Variants in CCDC148 observed in about 807,000 individuals in gnomAD.
The protein encoded by CCDC148 is coiled-coil domain-containing protein 148.
A neutral mutation model predicts 85.7 loss-of-function variants in CCDC148; 89 were observed. The observed-to-expected ratio is 1.04, with a 90% CI of 0.87 to 1.24. The LOEUF (loss-of-function observed/expected upper bound fraction) is 1.24, where lower values mean the gene tolerates loss of function less well. CCDC148 is among the 50% of genes most tolerant of loss of function. The pLI is 0.00. For missense variants in CCDC148, 692 were observed against 671.7 expected, an observed-to-expected ratio of 1.03 and a Z score of -0.33; for synonymous variants, 230 against 213.9, an observed-to-expected ratio of 1.08 and a Z score of -0.66.
In CCDC148 at chr2:158,172,224, T is replaced by G. The variant is rs555541451; in HGVS notation, c.1665A>C (p.Ala555=). ...TTCTATGAAGTCCAGCTTCTCGAAGTGCTAACTCGAAGCGAAGTCTAGGGT... is the reference window on the plus strand; with the variant it reads ...TTCTATGAAGTCCAGCTTCTCGAAGGGCTAACTCGAAGCGAAGTCTAGGGT... ...ISDPRLRFEL[A]LREAGLHRTL... Residue 555 remains alanine (A), a synonymous_variant, in exon 14 of 14, where the codon GCA becomes GCC. Transcript: ENST00000283233. 6 of 1,608,230 alleles carry G rather than the reference T, an allele frequency of 3.7e-6. No homozygotes were observed. In the East Asian group the frequency reaches 6.7e-5, roughly 18 times the overall value.
intron 1 of CCDC148, among the ~76,000 whole-genome samples, chr2:158,395,700 A>G (rs1243168256): frequency 6.6e-6 from 1 of 152,112 alleles, no homozygotes; most frequent in African/African-American, 2.4e-5. Flanking sequence ...AGCAGAGCTG[A>G]GCAGGAAGAC....
intron 7 of CCDC148, among the ~76,000 whole-genome samples, chr2:158,334,081 C>T (rs1001766296): frequency 6.6e-6 from 1 of 152,136 alleles, no homozygotes; most frequent in Admixed American, 6.6e-5. Context: ...ACAGTGAGAA[C>T]TTGATATAGC....
intron 1 of CCDC148, among the ~76,000 whole-genome samples, chr2:158,376,355 T>C (rs1684649528): frequency 6.6e-6 from 1 of 152,106 alleles, no homozygotes; most frequent in Admixed American, 6.6e-5. Context: ...AGAATGCATC[T>C]GTAAGTATAC....
intron 9 of CCDC148, among the ~76,000 whole-genome samples, chr2:158,262,162 C>G (rs1412936326): frequency 1.3e-5 from 2 of 151,926 alleles, no homozygotes; most frequent in Non-Finnish European, 2.9e-5. Flanking sequence ...ACATATACAC[C>G]ATCGAATACT....
intron 11 of CCDC148, among the ~76,000 whole-genome samples, chr2:158,198,195 C>T (rs542068670): frequency 6.6e-6 from 1 of 152,242 alleles, no homozygotes; most frequent in African/African-American, 2.4e-5. Context: ...TCCCTGGCAC[C>T]CCCTACCTGG....
At chr2:158,339,194 A>G (rs1682546444) in intron 5 of CCDC148, 109 bp from the exon 6 acceptor site, 1 of 848,856 alleles carries the variant, frequency 1.2e-6, no homozygotes, top group African/African-American at 1.7e-5. Flanking sequence ...TGAAGTTTAA[A>G]GACCTGTGGA....
At chr2:158,382,812 T>C (rs1464649387) in intron 1 of CCDC148, among the ~76,000 whole-genome samples, 1 of 150,174 alleles carries the variant, frequency 6.7e-6, no homozygotes, top group African/African-American at 2.5e-5. Context: ...TCCCAGCTAC[T>C]CGGGAGGCTG....
intron 3 of CCDC148, among the ~76,000 whole-genome samples, chr2:158,343,364 C>CT (rs1178447342): frequency 6.6e-6 from 1 of 152,182 alleles, no homozygotes; most frequent in Non-Finnish European, 1.5e-5. Context: ...TACAAATTAA[C>CT]TTTCATCATC....
chr2:158,438,431 G>A (rs767937020), intron 1 of CCDC148, among the ~76,000 whole-genome samples: 64 of 152,296 alleles, frequency 4.2e-4, no homozygotes, highest in Non-Finnish European at 7.1e-4. Context: ...TATGTAGAAA[G>A]CTGAAACTGG....
chr2:158,288,725 T>G, intron 9 of CCDC148: 1 of 399,324 alleles, frequency 2.5e-6, no homozygotes, highest in Non-Finnish European at 4.9e-6. Flanking sequence ...CTGATACCAG[T>G]TCCAAAGTCA....
intron 9 of CCDC148, among the ~76,000 whole-genome samples, chr2:158,291,901 G>A (rs1690911592): frequency 6.6e-6 from 1 of 152,140 alleles, no homozygotes. Context: ...AGCAACTTGT[G>A]TCACTTTCAA....
intron 9 of CCDC148, among the ~76,000 whole-genome samples, chr2:158,264,545 A>G (rs1004745948): frequency 6.6e-6 from 1 of 152,126 alleles, no homozygotes; most frequent in African/African-American, 2.4e-5. Context: ...TAGAAAGAAC[A>G]GTCAGAATAT....
chr2:158,273,301 T>A (rs1316297333), intron 9 of CCDC148, among the ~76,000 whole-genome samples: 2 of 152,190 alleles, frequency 1.3e-5, no homozygotes, highest in Non-Finnish European at 2.9e-5. Flanking sequence ...ACCTGATTAG[T>A]AGTAAACATA....
At chr2:158,224,106 A>G (rs1045311413) in intron 10 of CCDC148, among the ~76,000 whole-genome samples, 3 of 152,232 alleles carry the variant, frequency 2.0e-5, no homozygotes, top group Non-Finnish European at 2.9e-5. Flanking sequence ...AGAATAACCA[A>G]TGCAGAGAAG....
intron 9 of CCDC148, among the ~76,000 whole-genome samples, chr2:158,281,736 C>T (rs1458897967): frequency 6.6e-6 from 1 of 152,096 alleles, no homozygotes; most frequent in Non-Finnish European, 1.5e-5. Flanking sequence ...GAAACAATTC[C>T]AATCAATAGA....
chr2:158,290,752 T>C (rs1324688140), intron 9 of CCDC148, among the ~76,000 whole-genome samples: 1 of 152,178 alleles, frequency 6.6e-6, no homozygotes, highest in Non-Finnish European at 1.5e-5. Context: ...TCCATGAGGG[T>C]TGGGATTTTG....
intron 9 of CCDC148, among the ~76,000 whole-genome samples, chr2:158,274,083 T>C (rs1022568974): frequency 6.6e-6 from 1 of 152,160 alleles, no homozygotes; most frequent in Non-Finnish European, 1.5e-5. Context: ...AAGTTTTGCA[T>C]GGGACTTCAG....
chr2:158,332,507 G>A (rs1215695307), intron 7 of CCDC148, among the ~76,000 whole-genome samples: 1 of 143,002 alleles, frequency 7.0e-6, no homozygotes, highest in African/African-American at 2.7e-5. Flanking sequence ...TTTTTGTCGT[G>A]TCTCTGCCAG....
At chr2:158,238,224 G>C (rs955416051) in intron 10 of CCDC148, among the ~76,000 whole-genome samples, 1 of 152,066 alleles carries the variant, frequency 6.6e-6, no homozygotes, top group Non-Finnish European at 1.5e-5. Flanking sequence ...GAAAAAGGGG[G>C]ATGGTGGTGG....
Sources: allele counts gnomAD v4.1 joint callset (sites outside exome capture counted in the v4.1 genomes callset), GRCh38; gene constraint gnomAD v4.1.1; transcripts MANE v1.5; gene names NCBI Gene and HGNC (gene_info 2026-07-23, HGNC 2026-07-21).